Variants in ARSD observed in about 807,000 individuals in gnomAD.
ARSD encodes the protein arylsulfatase D.
ARSD carries 21 observed loss-of-function variants against 32.6 expected under a neutral mutation model. The observed-to-expected ratio is 0.64, with a 90% CI of 0.46 to 0.93. The LOEUF is 0.93. ARSD is among the 40% of genes least tolerant of loss of function. The probability of loss-of-function intolerance (pLI) is 0.00; values close to 1 mark genes in which losing one functional copy is unlikely to be tolerated. For missense variants in ARSD, 454 were observed against 520.9 expected, an observed-to-expected ratio of 0.87 and a Z score of 1.25; for synonymous variants, 224 against 237.4, an observed-to-expected ratio of 0.94 and a Z score of 0.52.
intron 9 of ARSD, 87 bp downstream of exon 9, chrX:2,908,634 C>T (rs1603460992): frequency 1.2e-6 from 1 of 826,760 alleles, no homozygotes. Context: ...ATCCATTCAT[C>T]CATCCATCCA....
At chrX:2,928,539 C>CG (rs1270070648) in intron 1 of ARSD, among the ~76,000 whole-genome samples, 12 of 3,169 alleles carry the variant, frequency 3.8e-3, no homozygotes, top group African/African-American at 0.012. Context: ...GCCGAAGAGG[C>CG]GGGGGGCGGG....
At chrX:2,918,310 C>A (rs2147321098) in intron 4 of ARSD, 83 bp from the exon 5 acceptor site, 2 of 978,240 alleles carry the variant, frequency 2.0e-6, no homozygotes, top group East Asian at 6.7e-5. Context: ...CATTCCGCGT[C>A]GGCAGGAAAA....
chrX:2,908,746 G>A lies in ARSD; in HGVS notation c.1395C>T (p.His465=), dbSNP rs755116436. 1.2e-5 allele frequency: 15 copies of A among 1,201,796 alleles called. No individual in the cohort carries two copies. The highest frequency in any genetic ancestry group is 6.0e-5 in the East Asian group (2 of 33,465). ...FLFHYCGQHL[H]AARWHQKDSG... ...TGTCCTTCTGGTGCCAGCGTGCTGC[G>A]TGAAGATGCTGCCCACAGTAATGAA... is the stretch of plus-strand genomic sequence containing the variant. The change falls in exon 9 of 10, where the codon CAC becomes CAT. Residue 465 remains histidine (H), a synonymous_variant. Coordinates refer to ENST00000381154, the MANE Select transcript of ARSD (RefSeq NM_001669.4).
intron 8 of ARSD, 61 bp downstream of exon 8, chrX:2,909,756 A>AT (rs2088885962): frequency 9.0e-7 from 1 of 1,106,175 alleles, no homozygotes; most frequent in African/African-American, 1.9e-5. Flanking sequence ...ATTGAAATAA[A>AT]AAAAAAAAAC....
At position 2,913,357 on chromosome X, in the gene ARSD, T is replaced by TGGGG. The variant is rs1363301336; in HGVS notation, c.1000+2198_1000+2199insCCCC. ...TTAAGGTCTGTGTGGATGTTCATGC[T>TGGGG]GCGGGGGGTAGAATGAGGCAAGCCC... is the stretch of plus-strand genomic sequence containing the variant. On this transcript the variant is annotated intron_variant, in intron 6 of 9. Coordinates refer to ENST00000381154, the MANE Select transcript of ARSD (RefSeq NM_001669.4). 220 of 166,751 alleles carry TGGGG rather than the reference T, an allele frequency of 1.3e-3. 1 individual carries two copies. The highest frequency in any genetic ancestry group is 6.1e-3 in the African/African-American group (194 of 31,571). 13.7% of individuals were successfully genotyped at this position (166,751 alleles called of 1,213,427 possible). A position where few individuals can be genotyped will look rare whatever the true frequency, so the allele number is the denominator to read the frequency against.
At chrX:2,915,458 A>C in intron 6 of ARSD, 98 bp downstream of exon 6, 1 of 1,121,411 alleles carries the variant, frequency 8.9e-7, no homozygotes, top group Non-Finnish European at 1.2e-6. Flanking sequence ...CTTATTCTTT[A>C]TTGCAAGTTG....
intron 3 of ARSD, 76 bp downstream of exon 3, chrX:2,921,827 A>G: frequency 9.1e-7 from 1 of 1,099,183 alleles, no homozygotes; most frequent in East Asian, 3.1e-5. Flanking sequence ...CTTCACCATC[A>G]GTACTCAACT....
chrX:2,920,672 C>T lies in ARSD; in HGVS notation c.368G>A (p.Gly123Asp), dbSNP rs1179544550. The change falls in exon 4 of 10, where the codon GGT becomes GAT. Residue 123 changes from glycine (G) to aspartate (D), a missense_variant. Physicochemically the swap from Gly to Asp is moderately conservative, Grantham distance 94. Coordinates refer to ENST00000381154, the MANE Select transcript of ARSD (RefSeq NM_001669.4). ...YRALQWNAGS[G>D]GLPENETTFA... ...AGTGGTTTCGTTCTCAGGGAGTCCA[C>T]CTGAGCCTGCGTTCCACTGAAGGGC... 8 of 1,210,249 alleles carry T rather than the reference C, an allele frequency of 6.6e-6. No homozygotes were observed. Among genetic ancestry groups the T allele is most frequent in the African/African-American group, 1.7e-5 (1 of 57,224 alleles).
chrX:2,915,437 G>T, intron 6 of ARSD, 119 bp downstream of exon 6: 1 of 1,053,071 alleles, frequency 9.5e-7, no homozygotes, highest in Non-Finnish European at 1.3e-6. Flanking sequence ...TTACAGGCGT[G>T]AGCCACCGCC....
rs189638068 is a variant in ARSD at position 2,928,163 on chromosome X, C to G, written c.44+1069G>C. 9.3e-3 allele frequency among the ~76,000 whole-genome samples: 1,025 copies of G among 110,339 alleles called. 12 individuals are homozygous for G. Among genetic ancestry groups the G allele is most frequent in the African/African-American group, 0.032 (980 of 30,270 alleles). On this transcript the variant is annotated intron_variant, in intron 1 of 9. Coordinates refer to ENST00000381154, the MANE Select transcript of ARSD (RefSeq NM_001669.4). Reference sequence around the variant, plus strand: ...GCTGGGAATGCAGGACCCGGCGCATCTGAGGAAGTGCAGCGGGGCATGGCG... The same window carrying G: ...GCTGGGAATGCAGGACCCGGCGCATGTGAGGAAGTGCAGCGGGGCATGGCG...
rs750796993 is a variant in ARSD, at chrX:2,916,975, A to G, written c.863+829T>C. Reference sequence around the variant, plus strand: ...GGGCCAGGCACGGTGGCTCACGCTTATAATCCCAGCACTTTGGAAGGCAGA... The same window carrying G: ...GGGCCAGGCACGGTGGCTCACGCTTGTAATCCCAGCACTTTGGAAGGCAGA... On this transcript the variant is annotated intron_variant, in intron 5 of 9. Transcript: ENST00000381154. Among the ~76,000 whole-genome samples the G allele has an allele frequency of 8.4e-5, 9 of 107,089 alleles. No individual in the cohort carries two copies. In the Admixed American group the frequency reaches 9.1e-4, roughly 11 times the overall value. 93.0% of individuals were successfully genotyped at this position (107,089 alleles called of 115,157 possible).
At chrX:2,927,787 A>G (rs1383446175) in intron 1 of ARSD, among the ~76,000 whole-genome samples, 1 of 107,215 alleles carries the variant, frequency 9.3e-6, no homozygotes, top group Admixed American at 9.8e-5. Flanking sequence ...ATGTTTGCAC[A>G]GGAGTGTGAC....
chrX:2,910,551 T>C, intron 7 of ARSD, 108 bp downstream of exon 7: 2 of 1,110,224 alleles, frequency 1.8e-6, no homozygotes, highest in African/African-American at 1.8e-5. Context: ...GCTCAATGCA[T>C]TCTTTTTGAA....
At chrX:2,920,025 C>T (rs1569090831) in intron 4 of ARSD, among the ~76,000 whole-genome samples, 1 of 111,325 alleles carries the variant, frequency 9.0e-6, no homozygotes, top group East Asian at 2.8e-4. Flanking sequence ...TAAGGGTGCT[C>T]TTGGAGACCC....
At chrX:2,927,633 G>A (rs969080654) in intron 1 of ARSD, among the ~76,000 whole-genome samples, 5 of 112,103 alleles carry the variant, frequency 4.5e-5, no homozygotes, top group African/African-American at 1.6e-4. Context: ...CAAAAGGACC[G>A]AAGGCTTCCC....
intron 6 of ARSD, among the ~76,000 whole-genome samples, chrX:2,912,618 A>G (rs1188556378): frequency 8.9e-6 from 1 of 111,732 alleles, no homozygotes; most frequent in African/African-American, 3.3e-5. Flanking sequence ...TACAAAACAC[A>G]GAATGAACAC....
chrX:2,919,633 T>G (rs1569090732), intron 4 of ARSD, among the ~76,000 whole-genome samples: 2 of 111,566 alleles, frequency 1.8e-5, no homozygotes. Context: ...AATAATAAGC[T>G]GACTGTGCCT....
rs776354641 is a variant in ARSD, at chrX:2,917,929, G to A, written c.738C>T (p.Ser246=). 5.0e-5 allele frequency: 60 copies of A among 1,211,136 alleles called. No homozygotes were observed. Among genetic ancestry groups the A allele is most frequent in the Non-Finnish European group, 6.5e-5 (58 of 895,366 alleles). Residue 246 remains serine, a synonymous_variant, in exon 5 of 10, where the codon TCC becomes TCT. Transcript: ENST00000381154. ...TCCAGCGTCGCACAAACCCGAAGGA[G>A]GAGTACCAAGAGATGAAAAACAGGC... is the stretch of plus-strand genomic sequence containing the variant. ...VGCLFFISWY[S]SFGFVRRWNC...
Position 2,907,262 on chromosome X carries a change from T to G in ARSD, c.*9A>C, listed in dbSNP as rs774551591. On this transcript the variant is annotated 3_prime_UTR_variant, in exon 10 of 10. Transcript: ENST00000381154. ...GGCTCTCCTGGATCCTCTCTCACAG[T>G]CCTGGCATTCAGGGGGTGCCATCCC... 2.4e-5 allele frequency: 29 copies of G among 1,197,296 alleles called. No individual in the cohort carries two copies. The highest frequency in any genetic ancestry group is 3.3e-5 in the Non-Finnish European group (29 of 887,015).
Sources: allele counts gnomAD v4.1 joint callset (sites outside exome capture counted in the v4.1 genomes callset), GRCh38; gene constraint gnomAD v4.1.1; transcripts MANE v1.5; gene names NCBI Gene and HGNC (gene_info 2026-07-23, HGNC 2026-07-21).